Variants in CSGALNACT1 observed in about 807,000 individuals in gnomAD.
CSGALNACT1 encodes the protein beta4GalNAcT-1.
In CSGALNACT1, 52 loss-of-function variants were observed where a neutral mutation model predicts 51.0. The observed-to-expected ratio is 1.02, with a 90% CI of 0.82 to 1.29. The LOEUF (loss-of-function observed/expected upper bound fraction) is 1.29. Ranked by LOEUF, CSGALNACT1 falls within the 50% of genes most tolerant of loss-of-function variation. The pLI, the probability that CSGALNACT1 is intolerant of heterozygous loss-of-function variation, is 0.00. For missense variants in CSGALNACT1, 935 were observed against 679.2 expected (o/e 1.38, Z -4.19); for synonymous variants, 341 against 254.4 (o/e 1.34, Z -3.24).
At chr8:19,606,618 G>A (rs1009198333), upstream of CSGALNACT1, among the ~76,000 whole-genome samples, 1 of 152,052 alleles carries the variant, frequency 6.6e-6, no homozygotes, top group African/African-American at 2.4e-5. Flanking sequence ...TGGTGTCCTG[G>A]TCTTAAGACT....
Position 19,737,601 on chromosome 8 carries a change from GA to G in CSGALNACT1, c.-297+20248del, listed in dbSNP as rs571429625. ...CAGTAGAAGAAAAAAATTGGAAAAA[GA>G]AAAAAAAAGCACTCAATTCAAAGGA... is the stretch of plus-strand genomic sequence containing the variant. On this transcript the variant is annotated intron_variant, in intron 1 of 1. Coordinates refer to the CSGALNACT1 transcript ENST00000517494. Among the ~76,000 whole-genome samples, 484 of 146,786 alleles carry G rather than the reference GA, an allele frequency of 3.3e-3. 6 individuals are homozygous for G. The highest frequency in any genetic ancestry group is 0.011 in the African/African-American group (446 of 39,930).
chr8:19,555,455 T>C (rs1358206342), intron 3 of CSGALNACT1, among the ~76,000 whole-genome samples: 1 of 152,186 alleles, frequency 6.6e-6, no homozygotes, highest in African/African-American at 2.4e-5. Context: ...TAAAGGGCTA[T>C]AACTCCCAAA....
chr8:19,649,451 G>A (rs2057576888), intron 1 of CSGALNACT1, among the ~76,000 whole-genome samples: 1 of 151,902 alleles, frequency 6.6e-6, no homozygotes, highest in Non-Finnish European at 1.5e-5. Flanking sequence ...TCTGCCTTCT[G>A]GAATTAATTA....
At chr8:19,541,686 C>A (rs1448321062) in intron 3 of CSGALNACT1, among the ~76,000 whole-genome samples, 3 of 150,690 alleles carry the variant, frequency 2.0e-5, no homozygotes, top group Admixed American at 6.6e-5. Flanking sequence ...CAGGCCTGAG[C>A]CACTGCACCT....
At chr8:19,627,865 C>A (rs949429055) in intron 1 of CSGALNACT1, among the ~76,000 whole-genome samples, 1 of 152,102 alleles carries the variant, frequency 6.6e-6, no homozygotes, top group African/African-American at 2.4e-5. Context: ...CTAGTGAAAT[C>A]TGAATACAGT....
chr8:19,703,533 G>A (rs1019117653), intron 1 of CSGALNACT1, among the ~76,000 whole-genome samples: 1 of 152,096 alleles, frequency 6.6e-6, no homozygotes, highest in African/African-American at 2.4e-5. Flanking sequence ...TTGATCTCCT[G>A]ACCTCATGAT....
chr8:19,425,595 C>T (rs1004187719), intron 6 of CSGALNACT1, among the ~76,000 whole-genome samples: 1 of 152,206 alleles, frequency 6.6e-6, no homozygotes, highest in African/African-American at 2.4e-5. Context: ...GCATCTACCT[C>T]ACTGCCTGCT....
intron 3 of CSGALNACT1, among the ~76,000 whole-genome samples, chr8:19,570,466 G>A (rs1588489332): frequency 2.0e-5 from 3 of 152,138 alleles, no homozygotes; most frequent in Admixed American, 6.5e-5. Flanking sequence ...CCTAAAAGGA[G>A]CCATAACCTA....
chr8:19,740,875 T>G (rs2064270097), intron 1 of CSGALNACT1, among the ~76,000 whole-genome samples: 1 of 152,186 alleles, frequency 6.6e-6, no homozygotes, highest in South Asian at 2.1e-4. Context: ...TATCATAAGT[T>G]AAAATGGATG....
chr8:19,426,428 G>A (rs1338940156), intron 6 of CSGALNACT1, among the ~76,000 whole-genome samples: 2 of 152,172 alleles, frequency 1.3e-5, no homozygotes, highest in African/African-American at 2.4e-5. Context: ...ATGGTTCAAA[G>A]TTGAAGTTAC....
intron 5 of CSGALNACT1, among the ~76,000 whole-genome samples, chr8:19,457,341 G>A (rs990908873): frequency 7.2e-5 from 11 of 152,160 alleles, no homozygotes; most frequent in African/African-American, 2.2e-4. Flanking sequence ...GGCTGGGCAC[G>A]GTGGCTCACG....
chr8:19,569,859 C>T (rs935740851), intron 3 of CSGALNACT1, among the ~76,000 whole-genome samples: 6 of 152,176 alleles, frequency 3.9e-5, no homozygotes, highest in African/African-American at 1.2e-4. Flanking sequence ...TCATACAATA[C>T]TTCACAGCAA....
chr8:19,505,407 T>C lies in CSGALNACT1; in HGVS notation c.428A>G (p.Tyr143Cys), dbSNP rs146216886. Residue 143 changes from tyrosine (Y) to cysteine (C), a missense_variant, in exon 4 of 10, where the codon TAT (tyrosine) becomes TGT (cysteine). Tyr to Cys is a radical substitution (Grantham distance 194, BLOSUM62 -2). Coordinates refer to ENST00000454498, the Ensembl canonical transcript of CSGALNACT1. ...AAAGCTATCGAAAGGCACTGCTGCA[T>C]ACTCTGTGGCCAGCTTGACGCCAGC... The C allele has an allele frequency of 1.7e-4, 274 of 1,614,214 alleles. No individual in the cohort carries two copies. In the African/African-American group the frequency reaches 3.2e-3, roughly 19 times the overall value.
At chr8:19,559,351 A>G (rs1010709144) in intron 3 of CSGALNACT1, among the ~76,000 whole-genome samples, 1 of 152,194 alleles carries the variant, frequency 6.6e-6, no homozygotes, top group Non-Finnish European at 1.5e-5. Flanking sequence ...ATTATCTACC[A>G]TACAAAAATA....
rs545352436 is a variant in CSGALNACT1 at position 19,639,918 on chromosome 8, G to A, written c.-543-38053C>T. On this transcript the variant is annotated intron_variant, in intron 1 of 9. Coordinates refer to the CSGALNACT1 transcript ENST00000332246. ...TTTTTTAATGAGACAGTTTCATTCC[G>A]TCTCTCAGGCTGGAATGCAGTGGTA... Among the ~76,000 whole-genome samples, 11 of 150,224 alleles carry A rather than the reference G, an allele frequency of 7.3e-5. No homozygotes were observed. In the South Asian group the frequency reaches 8.5e-4, roughly 12 times the overall value.
chr8:19,740,675 A>C (rs755345041), intron 1 of CSGALNACT1, among the ~76,000 whole-genome samples: 1 of 152,218 alleles, frequency 6.6e-6, no homozygotes, highest in Middle Eastern at 3.2e-3. Flanking sequence ...TGGAACAAAA[A>C]CAAATTATTT....
chr8:19,667,031 G>GGAAT, intron 1 of CSGALNACT1, among the ~76,000 whole-genome samples: 1 of 33,848 alleles, frequency 3.0e-5, no homozygotes, highest in South Asian at 8.8e-4. Flanking sequence ...AAGGAAGGAA[G>GGAAT]GAAGGAAGGA....
At chr8:19,558,025 C>G (rs1289979674) in intron 3 of CSGALNACT1, among the ~76,000 whole-genome samples, 1 of 152,208 alleles carries the variant, frequency 6.6e-6, no homozygotes, top group Non-Finnish European at 1.5e-5. Context: ...AAATGCCTTT[C>G]TGATTTTAGT....
intron 3 of CSGALNACT1, among the ~76,000 whole-genome samples, chr8:19,508,755 A>T (rs1366570493): frequency 5.9e-5 from 9 of 152,246 alleles, no homozygotes; most frequent in Non-Finnish European, 1.0e-4. Context: ...AACTTAAATT[A>T]TGCTGTTTTT....
Sources: gnomAD v4.1 joint callset for allele counts (sites outside exome capture counted in the v4.1 genomes callset) on GRCh38, gnomAD v4.1.1 for gene constraint, MANE v1.5 for transcripts, NCBI Gene and HGNC (gene_info 2026-07-23, HGNC 2026-07-21) for gene names.